HIC2: variants seen among roughly 807,000 people sequenced by gnomAD.
HIC2 encodes HIC ZBTB transcriptional repressor 2, also known as hypermethylated in cancer 2 protein.
In HIC2, 2 loss-of-function variants were observed where a neutral mutation model predicts 39.5. The ratio of observed to expected loss-of-function variants is 0.05; its 90% CI spans 0.02 to 0.16. The LOEUF is 0.16. Among genes scored for constraint, HIC2 ranks in the 10% least tolerant of loss-of-function variants. The pLI is 1.00. For missense variants in HIC2, 713 were observed against 863.5 expected (o/e 0.83, Z 2.18); for synonymous variants, 399 against 368.8 (o/e 1.08, Z -0.94).
intron 1 of HIC2, among the ~76,000 whole-genome samples, chr22:21,432,452 G>A (rs1923348614): frequency 2.2e-5 from 2 of 91,458 alleles, no homozygotes; most frequent in South Asian, 4.7e-4. Flanking sequence ...CGAGGCGGGC[G>A]GATCACCTGA....
chr22:21,431,849 GC>G (rs1350175825), intron 1 of HIC2, among the ~76,000 whole-genome samples: 12 of 62,600 alleles, frequency 1.9e-4, no homozygotes, highest in Non-Finnish European at 2.6e-4. Flanking sequence ...GGGCATCGTG[GC>G]ATGCACCTTT....
rs895863211 is a variant in HIC2, at chr22:21,449,141, A to G, written c.*2398A>G. 6.5e-6 allele frequency: 1 copy of G among 152,716 alleles called. No individual in the cohort carries two copies. The highest frequency in any genetic ancestry group is 2.4e-5 in the African/African-American group (1 of 41,446). The allele number at this position is 152,716 out of a possible 1,614,324, so 9.5% of individuals were successfully genotyped here. ...AGCCTTTTCTGTGTTTTAATGAGAA[A>G]GCAGAACACTAGTTTCCTATTTAAG... is the stretch of plus-strand genomic sequence containing the variant. On this transcript the variant is annotated 3_prime_UTR_variant, in exon 3 of 3. Coordinates refer to ENST00000407464, the MANE Select transcript of HIC2 (RefSeq NM_015094.3).
chr22:21,445,442 A>G lies in HIC2; in HGVS notation c.547A>G (p.Lys183Glu). 1 of 1,534,396 alleles carries G rather than the reference A, an allele frequency of 6.5e-7. No homozygotes were observed. Residue 183 changes from lysine (K) to glutamate (E), a missense_variant, in exon 3 of 3, where the codon AAG becomes GAG. Physicochemically the swap from Lys to Glu is moderately conservative, Grantham distance 56. This residue lies in a region of HIC2 where 457 missense variants were observed against 420.2 expected (regional missense o/e 1.09). Transcript: ENST00000407464. ...ARYQGLVDGR[K>E]GAHAPQELPQ... ...GTATCAGGGGCTCGTGGATGGGCGC[A>G]AGGGGGCCCACGCCCCCCAGGAGCT...
intron 1 of HIC2, among the ~76,000 whole-genome samples, chr22:21,432,093 T>TG (rs1923334944): frequency 8.0e-6 from 1 of 124,764 alleles, no homozygotes; most frequent in African/African-American, 2.9e-5. Flanking sequence ...TTTGAGGCAC[T>TG]GGGGGGTTTG....
At position 21,445,452 on chromosome 22, in the gene HIC2, A is replaced by G. The variant is rs1923747759; in HGVS notation, c.557A>G (p.His186Arg). ...QGLVDGRKGA[H>R]APQELPQAKG... ...CTCGTGGATGGGCGCAAGGGGGCCC[A>G]CGCCCCCCAGGAGCTCCCCCAAGCC... The change falls in exon 3 of 3, where the codon CAC becomes CGC. Residue 186 changes from histidine to arginine, a missense_variant. Transcript: ENST00000407464. 1 of 1,535,932 alleles carries G rather than the reference A, an allele frequency of 6.5e-7. No homozygotes were observed. Among genetic ancestry groups the G allele is most frequent in the Admixed American group, 2.2e-5 (1 of 45,312 alleles).
intron 1 of HIC2, among the ~76,000 whole-genome samples, chr22:21,436,725 A>ACC (rs1923436364): frequency 1.0e-5 from 1 of 97,204 alleles, no homozygotes; most frequent in Non-Finnish European, 2.2e-5. Context: ...AGTGAGCCCC[A>ACC]CCCACCACCA....
In HIC2 at chr22:21,448,993, A is replaced by G. The variant is rs1031297412; in HGVS notation, c.*2250A>G. On this transcript the variant is annotated 3_prime_UTR_variant, in exon 3 of 3. Coordinates refer to ENST00000407464, the MANE Select transcript of HIC2 (RefSeq NM_015094.3). ...GGCCTCCCGGGCTGTGGGCAGCCGC[A>G]TCTGTGAGGTGACTCGTGAAAGTAG... 1.3e-5 allele frequency: 2 copies of G among 152,758 alleles called. No individual in the cohort carries two copies. Among genetic ancestry groups the G allele is most frequent in the African/African-American group, 2.4e-5 (1 of 41,448 alleles). The allele number at this position is 152,758 out of a possible 1,614,324, so 9.5% of individuals were successfully genotyped here. A position where few individuals can be genotyped will look rare whatever the true frequency, so the allele number is the denominator to read the frequency against.
At position 21,445,414 on chromosome 22, in the gene HIC2, T is replaced by G; in HGVS notation, c.519T>G (p.Ala173=). 6.5e-7 allele frequency: 1 copy of G among 1,532,272 alleles called. No homozygotes were observed. The highest frequency in any genetic ancestry group is 8.8e-7 in the Non-Finnish European group (1 of 1,142,834). The allele number at this position is 1,532,272 out of a possible 1,614,324, so 94.9% of individuals were successfully genotyped here. A position where few individuals can be genotyped will look rare whatever the true frequency, so the allele number is the denominator to read the frequency against. ...QRLSTASVIQ[A]RYQGLVDGRK... The stretch of plus-strand genomic sequence containing the variant: ...TGTCCACGGCCTCTGTCATCCAAGC[T>G]CGGTATCAGGGGCTCGTGGATGGGC... The change falls in exon 3 of 3, where the codon GCT becomes GCG. Residue 173 remains alanine (A), a synonymous_variant. Transcript: ENST00000407464.
At chr22:21,444,218 C>G (rs1386097422) in intron 2 of HIC2, among the ~76,000 whole-genome samples, 1 of 152,212 alleles carries the variant, frequency 6.6e-6, no homozygotes, top group Non-Finnish European at 1.5e-5. Flanking sequence ...ATGGTGCTGC[C>G]CTTCCTAGAG....
rs751137070 is a variant in HIC2, at chr22:21,446,005, G to T, written c.1110G>T (p.Gly370=). ...PCPGEEGEGV[G]DRVPNGILAS... is the part of the protein sequence containing the mutation. ...CGGGAGAGGAGGGTGAGGGGGTCGG[G>T]GACAGGGTTCCCAATGGCATCCTGG... The change falls in exon 3 of 3, where the codon GGG becomes GGT. Residue 370 remains glycine (G), a synonymous_variant. Transcript: ENST00000407464. The T allele has an allele frequency of 5.1e-6, 8 of 1,574,368 alleles. No individual in the cohort carries two copies. Among genetic ancestry groups the T allele is most frequent in the Non-Finnish European group, 8.6e-7 (1 of 1,161,862 alleles).
chr22:21,446,503 C>T lies in HIC2; in HGVS notation c.1608C>T (p.Asn536=), dbSNP rs772437177. 8.1e-6 allele frequency: 13 copies of T among 1,612,756 alleles called. No individual in the cohort carries two copies. In the African/African-American group the frequency reaches 1.3e-4, roughly 17 times the overall value. The change falls in exon 3 of 3, where the codon AAC becomes AAT. Residue 536 remains asparagine, a synonymous_variant. Transcript: ENST00000407464. The stretch of plus-strand genomic sequence containing the variant: ...GGCTGACACGGCCCTTCCCCTGCAA[C>T]ATCTGTGGCAAAATGTTCACGCAGC... ...THWLTRPFPC[N]ICGKMFTQRG...
At chr22:21,432,662 G>GGA in intron 1 of HIC2, among the ~76,000 whole-genome samples, 1 of 143,656 alleles carries the variant, frequency 7.0e-6, no homozygotes, top group African/African-American at 2.7e-5. Context: ...GGCAACAAGA[G>GGA]GAAAACTCTG....
rs1174614747 is a variant in HIC2 at position 21,447,923 on chromosome 22, C to T, written c.*1180C>T. ...TTGCTACCTCTTGAATTCATGACAA[C>T]GATATGTTGGTGACTGGCAGTGGAA... On this transcript the variant is annotated 3_prime_UTR_variant, in exon 3 of 3. Transcript: ENST00000407464. 6.5e-6 allele frequency: 1 copy of T among 152,756 alleles called. No homozygotes were observed. The highest frequency in any genetic ancestry group is 1.5e-5 in the Non-Finnish European group (1 of 68,048). The allele number at this position is 152,756 out of a possible 1,614,324, so 9.5% of individuals were successfully genotyped here. A position where few individuals can be genotyped will look rare whatever the true frequency, so the allele number is the denominator to read the frequency against.
rs1241759727 is a variant in HIC2, at chr22:21,446,451, C to T, written c.1556C>T (p.Thr519Met). 10 of 1,612,290 alleles carry T rather than the reference C, an allele frequency of 6.2e-6. No homozygotes were observed. The highest frequency in any genetic ancestry group is 2.2e-5 in the South Asian group (2 of 91,090). ...VCEKTYKDPA[T>M]LRQHEKTHWL... is the part of the protein sequence containing the mutation. ...GAGAAGACCTACAAGGACCCAGCCA[C>T]GCTGCGGCAGCACGAGAAGACGCAC... The change falls in exon 3 of 3, where the codon ACG becomes ATG. Residue 519 changes from threonine to methionine, a missense_variant. Transcript: ENST00000407464.
At position 21,445,321 on chromosome 22, in the gene HIC2, C is replaced by T. The variant is rs202000141; in HGVS notation, c.426C>T (p.Ala142=). The T allele has an allele frequency of 6.0e-5, 96 of 1,600,512 alleles. 2 individuals are homozygous for T. The South Asian group carries it at 8.7e-4, about 14-fold the overall frequency. Residue 142 remains alanine, a synonymous_variant, in exon 3 of 3, where the codon GCC becomes GCT. Transcript: ENST00000407464. ...AALCRRKLKR[A]GKPFGSGRAG... is the part of the protein sequence containing the mutation. ...TCTGCCGCCGCAAACTCAAGCGAGC[C>T]GGCAAGCCCTTTGGCTCTGGGAGGG...
At chr22:21,444,027 G>A (rs1018282418) in intron 2 of HIC2, among the ~76,000 whole-genome samples, 1 of 152,160 alleles carries the variant, frequency 6.6e-6, no homozygotes, top group African/African-American at 2.4e-5. Flanking sequence ...GATGGGAAGC[G>A]TGGCGAGGAG....
intron 1 of HIC2, among the ~76,000 whole-genome samples, chr22:21,430,829 T>A (rs1182183443): frequency 1.4e-5 from 1 of 72,620 alleles, no homozygotes; most frequent in African/African-American, 7.1e-5. Flanking sequence ...CGAGATTGTG[T>A]CACTGCACTC....
intron 2 of HIC2, among the ~76,000 whole-genome samples, chr22:21,443,672 C>G (rs1923640877): frequency 6.6e-6 from 1 of 152,122 alleles, no homozygotes; most frequent in Admixed American, 6.5e-5. Context: ...AGCCTGTGAG[C>G]CTATCCGGGG....
intron 2 of HIC2, among the ~76,000 whole-genome samples, chr22:21,443,270 G>C (rs1024950000): frequency 6.6e-6 from 1 of 152,206 alleles, no homozygotes; most frequent in Non-Finnish European, 1.5e-5. Flanking sequence ...GGTGCTTGCT[G>C]CCTCTTGCTG....
Sources: gnomAD v4.1 joint callset for allele counts (sites outside exome capture counted in the v4.1 genomes callset) on GRCh38, gnomAD v4.1.1 for gene constraint, gnomAD v4.1.1 regional missense constraint, MANE v1.5 for transcripts, NCBI Gene and HGNC (gene_info 2026-07-23, HGNC 2026-07-21) for gene names.